The following PALM2AKAP2 variants were observed in gnomAD, a reference collection of about 807,000 sequenced individuals.
The protein encoded by PALM2AKAP2 is PALM2 and AKAP2 fusion.
Under a neutral mutation model 71.5 loss-of-function variants are expected in PALM2AKAP2, and 37 were observed. The observed-to-expected ratio is 0.52, with a 90% CI of 0.40 to 0.68. The LOEUF (loss-of-function observed/expected upper bound fraction) is 0.68. Among genes scored for constraint, PALM2AKAP2 ranks in the 30% least tolerant of loss-of-function variants. The pLI, the probability that PALM2AKAP2 is intolerant of heterozygous loss-of-function variation, is 0.00. For missense variants in PALM2AKAP2, 1,224 were observed against 1,191.8 expected, an observed-to-expected ratio of 1.03 and a Z score of -0.40; for synonymous variants, 468 against 478.8, an observed-to-expected ratio of 0.98 and a Z score of 0.29.
Position 109,840,943 on chromosome 9 carries a change from G to C in PALM2AKAP2, c.46-26548G>C, listed in dbSNP as rs148603477. Among the ~76,000 whole-genome samples, 9 of 152,320 alleles carry C rather than the reference G, an allele frequency of 5.9e-5. 1 individual carries two copies. The East Asian group carries it at 1.3e-3, about 23-fold the overall frequency. The stretch of plus-strand genomic sequence containing the variant: ...TGGGATGTAAACTAGTTCAACCATT[G>C]TGGAAGACAGTGTGGCGATAGCTCA... On this transcript the variant is annotated intron_variant, in intron 1 of 9. Coordinates refer to the PALM2AKAP2 transcript ENST00000302798.
intron 1 of PALM2AKAP2, among the ~76,000 whole-genome samples, chr9:109,691,853 TATATATATATATATAC>T (rs1368916922): frequency 4.8e-5 from 2 of 42,030 alleles, no homozygotes; most frequent in East Asian, 1.3e-3. Context: ...TATATATATA[TATATATATATATATAC>T]ACACACACAC....
chr9:110,011,749 C>T (rs972991122), intron 6 of PALM2AKAP2, among the ~76,000 whole-genome samples: 8 of 152,164 alleles, frequency 5.3e-5, no homozygotes, highest in African/African-American at 1.9e-4. Context: ...TAAGTGCTTT[C>T]TCCAAGATTC....
chr9:109,844,121 C>T (rs1828784878), intron 1 of PALM2AKAP2, among the ~76,000 whole-genome samples: 2 of 152,150 alleles, frequency 1.3e-5, no homozygotes, highest in African/African-American at 2.4e-5. Context: ...ATTTATTGAG[C>T]GAGTAGTATA....
intron 3 of PALM2AKAP2, 107 bp from the exon 11 acceptor site, chr9:110,168,292 C>G (rs1836783197): frequency 7.3e-7 from 1 of 1,368,418 alleles, no homozygotes; most frequent in South Asian, 1.5e-5. Flanking sequence ...TTATCACTTT[C>G]TCCTCTCAAG....
chr9:109,816,351 A>G (rs1243083859), intron 1 of PALM2AKAP2, among the ~76,000 whole-genome samples: 1 of 152,220 alleles, frequency 6.6e-6, no homozygotes, highest in Non-Finnish European at 1.5e-5. Context: ...AGGCGAAAAG[A>G]CATAAAAATG....
At chr9:109,753,710 C>T (rs1828918486) in intron 1 of PALM2AKAP2, among the ~76,000 whole-genome samples, 1 of 152,038 alleles carries the variant, frequency 6.6e-6, no homozygotes, top group Non-Finnish European at 1.5e-5. Context: ...GTTAACTCAT[C>T]GAGGCAGTTA....
chr9:109,839,489 C>T (rs879644737), intron 1 of PALM2AKAP2, among the ~76,000 whole-genome samples: 1 of 152,094 alleles, frequency 6.6e-6, no homozygotes. Flanking sequence ...ACAGGGATGC[C>T]CTCTCTCACC....
At chr9:109,722,380 G>T (rs1240997711) in intron 1 of PALM2AKAP2, among the ~76,000 whole-genome samples, 1 of 152,190 alleles carries the variant, frequency 6.6e-6, no homozygotes, top group African/African-American at 2.4e-5. Flanking sequence ...GGAGTGGAGA[G>T]TTGGGTAACT....
At chr9:110,137,495 G>A (rs1835914126) in exon 2 of PALM2AKAP2, 10 of 1,614,012 alleles carry the variant, frequency 6.2e-6, no homozygotes, top group Non-Finnish European at 8.5e-6. Context: ...GCCCTACAGC[G>A]AGCCTTCTAA....
intron 1 of PALM2AKAP2, among the ~76,000 whole-genome samples, chr9:109,810,102 A>C (rs1165466020): frequency 6.6e-6 from 1 of 152,154 alleles, no homozygotes; most frequent in East Asian, 1.9e-4. Flanking sequence ...TCAACATATA[A>C]ATTTGGCTGG....
chr9:109,800,154 T>G (rs1352207907), intron 1 of PALM2AKAP2, among the ~76,000 whole-genome samples: 1 of 151,574 alleles, frequency 6.6e-6, no homozygotes, highest in Non-Finnish European at 1.5e-5. Flanking sequence ...TAAGGTTTAC[T>G]GATTTGAAAA....
intron 2 of PALM2AKAP2, among the ~76,000 whole-genome samples, chr9:110,151,039 C>A (rs983757996): frequency 6.6e-6 from 1 of 152,132 alleles, no homozygotes; most frequent in East Asian, 1.9e-4. Flanking sequence ...CAGTGCTGAA[C>A]GTTCTTGTAC....
intron 1 of PALM2AKAP2, among the ~76,000 whole-genome samples, chr9:109,734,861 C>T (rs76859173): frequency 0.043 from 6,489 of 152,166 alleles, 191 homozygotes; most frequent in Non-Finnish European, 0.053. Flanking sequence ...CAAATAATCA[C>T]GAGGACCTTC....
chr9:109,768,154 G>A (rs1232060097), intron 1 of PALM2AKAP2, among the ~76,000 whole-genome samples: 1 of 150,644 alleles, frequency 6.6e-6, no homozygotes, highest in Admixed American at 6.6e-5. Context: ...AAAGAAGGAA[G>A]GAGGAAGGAA....
At chr9:110,025,414 T>G (rs866640381) in intron 7 of PALM2AKAP2, 26 of 701,920 alleles carry the variant, frequency 3.7e-5, no homozygotes, top group Non-Finnish European at 6.5e-5. Context: ...TTTTTTTTTG[T>G]TCCTTCACAA....
At chr9:109,729,871 A>G (rs149058289) in intron 1 of PALM2AKAP2, among the ~76,000 whole-genome samples, 1,627 of 152,314 alleles carry the variant, frequency 0.011, 34 homozygotes, top group African/African-American at 0.037. Flanking sequence ...TGAGAATGCA[A>G]TAGGTTGATT....
intron 3 of PALM2AKAP2, among the ~76,000 whole-genome samples, chr9:109,918,767 A>G (rs1463929129): frequency 1.3e-5 from 2 of 152,246 alleles, no homozygotes; most frequent in African/African-American, 4.8e-5. Context: ...GCCTGGCCCA[A>G]GGCCACATGT....
At chr9:109,805,190 A>G (rs189814764) in intron 1 of PALM2AKAP2, among the ~76,000 whole-genome samples, 75 of 152,330 alleles carry the variant, frequency 4.9e-4, no homozygotes, top group Admixed American at 1.8e-3. Context: ...CATTGAGACC[A>G]TCAGAGAACC....
chr9:109,880,949 C>T (rs1829833173), intron 3 of PALM2AKAP2, among the ~76,000 whole-genome samples: 1 of 152,036 alleles, frequency 6.6e-6, no homozygotes, highest in East Asian at 1.9e-4. Context: ...AAACTTGTAT[C>T]GTGGGGATTT....
Sources: gnomAD v4.1 joint callset for allele counts (sites outside exome capture counted in the v4.1 genomes callset) on GRCh38, gnomAD v4.1.1 for gene constraint, MANE v1.5 for transcripts, NCBI Gene and HGNC (gene_info 2026-07-23, HGNC 2026-07-21) for gene names.